C4orf51: variants seen among roughly 807,000 people sequenced by gnomAD.
C4orf51 encodes uncharacterized protein C4orf51.
Under a neutral mutation model 25.2 loss-of-function variants are expected in C4orf51, and 25 were observed. That is an observed-to-expected ratio of 0.99 (90% CI 0.72 to 1.39). C4orf51 has a LOEUF of 1.39. Among genes scored for constraint, C4orf51 ranks in the 40% most tolerant of loss-of-function variants. C4orf51 has a pLI of 0.00. For missense variants in C4orf51, 252 were observed against 239.6 expected, an observed-to-expected ratio of 1.05 and a Z score of -0.34; for synonymous variants, 100 against 84.5, an observed-to-expected ratio of 1.18 and a Z score of -1.01.
intron 1 of C4orf51, among the ~76,000 whole-genome samples, chr4:145,696,193 C>T (rs915130158): frequency 1.2e-4 from 19 of 152,162 alleles, no homozygotes; most frequent in East Asian, 3.9e-4. Context: ...ACCTGGAAAG[C>T]GGAGGTTGCA....
chr4:145,692,193 G>C (rs1009949765), intron 1 of C4orf51, among the ~76,000 whole-genome samples: 3 of 152,188 alleles, frequency 2.0e-5, no homozygotes, highest in African/African-American at 4.8e-5. Context: ...ACTATTCATT[G>C]ACAGAAGAGT....
At chr4:145,786,818 A>AT in the C4orf51 span, among the ~76,000 whole-genome samples, 1 of 151,910 alleles carries the variant, frequency 6.6e-6, no homozygotes, top group Non-Finnish European at 1.5e-5. Flanking sequence ...TCCCTTTTTA[A>AT]TTTTTTCAGA....
At chr4:145,742,716 A>G (rs1011202382) in intron 1 of C4orf51, among the ~76,000 whole-genome samples, 5 of 150,972 alleles carry the variant, frequency 3.3e-5, no homozygotes, top group Admixed American at 2.6e-4. Flanking sequence ...ATTTTTTTGT[A>G]TTTTTAGTAG....
intron 2 of C4orf51, among the ~76,000 whole-genome samples, chr4:145,713,094 C>G (rs953708817): frequency 1.3e-5 from 2 of 152,204 alleles, no homozygotes; most frequent in African/African-American, 4.8e-5. Context: ...CAAAATATTA[C>G]TGCCGACTGA....
rs1249597405 is a variant in C4orf51, at chr4:145,761,853, G to T, written n.167-9135G>T. 6.6e-6 allele frequency among the ~76,000 whole-genome samples: 1 copy of T among 152,174 alleles called. No individual in the cohort carries two copies. Among genetic ancestry groups the T allele is most frequent in the African/African-American group, 2.4e-5 (1 of 41,428 alleles). ...TATTCTGGGTCTCTTGGCCGATACA[G>T]GCAAGGCCAGCCCTCACCAAGGGGA... On this transcript the variant is annotated intron_variant and non_coding_transcript_variant, in intron 1 of 1. Transcript: ENST00000510096. The surrounding 1 kb of genome is among the most constrained non-coding windows in gnomAD (Gnocchi z 6.8).
At chr4:145,698,600 G>A (rs1730227586) in intron 2 of C4orf51, among the ~76,000 whole-genome samples, 1 of 152,160 alleles carries the variant, frequency 6.6e-6, no homozygotes, top group Non-Finnish European at 1.5e-5. Context: ...AATAGACTGT[G>A]TTTCTTATCA....
chr4:145,776,322 G>A, the C4orf51 span, among the ~76,000 whole-genome samples: 3 of 152,090 alleles, frequency 2.0e-5, no homozygotes, highest in African/African-American at 7.2e-5. Flanking sequence ...TTAGTCAGGT[G>A]TGGTGGCACG....
chr4:145,719,610 C>CAAA (rs1560844426), intron 2 of C4orf51, among the ~76,000 whole-genome samples: 1 of 140,404 alleles, frequency 7.1e-6, no homozygotes, highest in Non-Finnish European at 1.5e-5. Flanking sequence ...AAAAAAAAAG[C>CAAA]AGCATCCTTT....
intron 5 of C4orf51, among the ~76,000 whole-genome samples, chr4:145,730,342 C>T (rs545449681): frequency 1.3e-5 from 2 of 152,228 alleles, no homozygotes; most frequent in East Asian, 1.9e-4. Context: ...CCTGGTTGCC[C>T]GGTGGCTGGA....
At position 145,696,644 on chromosome 4, in the gene C4orf51, A is replaced by G; in HGVS notation, c.307+12A>G. 6.2e-7 allele frequency: 1 copy of G among 1,604,396 alleles called. No individual in the cohort carries two copies. Among genetic ancestry groups the G allele is most frequent in the Non-Finnish European group, 8.5e-7 (1 of 1,173,732 alleles). On this transcript the variant is annotated intron_variant, in intron 2 of 5. Coordinates refer to ENST00000438731, the MANE Select transcript of C4orf51 (RefSeq NM_001080531.3). ...TACAGATATCAAAGGTAAGTGCAAC[A>G]TGATCAGTTTCTGGGCCCAGCCCTT...
chr4:145,758,858 G>A (rs1349500378), downstream of C4orf51: 1 of 152,384 alleles, frequency 6.6e-6, no homozygotes, highest in Non-Finnish European at 1.5e-5. Flanking sequence ...AAAGGGAGGT[G>A]TAGCACACCT....
chr4:145,770,577 T>C (rs566903076), intron 1 of C4orf51, among the ~76,000 whole-genome samples: 12 of 151,656 alleles, frequency 7.9e-5, no homozygotes, highest in African/African-American at 2.9e-4. Context: ...TATTATTCTA[T>C]TATAAAACAT....
intron 2 of C4orf51, among the ~76,000 whole-genome samples, chr4:145,700,877 G>C (rs1388561757): frequency 6.6e-6 from 1 of 152,028 alleles, no homozygotes; most frequent in African/African-American, 2.4e-5. Context: ...CCTCACACCT[G>C]GTCCAGCTTA....
At chr4:145,767,954 T>C (rs1256720700) in intron 1 of C4orf51, among the ~76,000 whole-genome samples, 3 of 152,208 alleles carry the variant, frequency 2.0e-5, no homozygotes, top group African/African-American at 7.2e-5. Flanking sequence ...AAATTCATAA[T>C]TTTTAAATTA....
chr4:145,690,505 A>AAAT lies in C4orf51; in HGVS notation c.234-6035_234-6033dup, dbSNP rs751273348. On this transcript the variant is annotated intron_variant, in intron 1 of 5. Coordinates refer to ENST00000438731, the MANE Select transcript of C4orf51 (RefSeq NM_001080531.3). Reference sequence around the variant, plus strand: ...GGCGACAGAGTGAGACTCCATCTCAAAATAATAATAATAATAATAATCCTA... The same window carrying AAAT: ...GGCGACAGAGTGAGACTCCATCTCAAAATAATAATAATAATAATAATAATCCTA... Among the ~76,000 whole-genome samples the AAAT allele has an allele frequency of 3.4e-3, 512 of 151,764 alleles. 3 individuals carry two copies. The highest frequency in any genetic ancestry group is 0.011 in the African/African-American group (454 of 41,386).
chr4:145,737,029 T>C (rs1050598621), downstream of C4orf51, among the ~76,000 whole-genome samples: 4 of 152,162 alleles, frequency 2.6e-5, no homozygotes, highest in Admixed American at 1.3e-4. Flanking sequence ...ATCTGAACTA[T>C]TATAGTTCTT....
At chr4:145,721,880 C>T (rs7675248) in intron 2 of C4orf51, among the ~76,000 whole-genome samples, 30,880 of 152,070 alleles carry the variant, frequency 0.2, 3,312 homozygotes, top group East Asian at 0.28. Context: ...GCGGGAGTTA[C>T]GTGGGGAGAA....
chr4:145,761,271 C>A lies in C4orf51; in HGVS notation n.167-9717C>A, dbSNP rs1241397103. The A allele has an allele frequency of 7.8e-7, 1 of 1,289,796 alleles. No homozygotes were observed. Among genetic ancestry groups the A allele is most frequent in the Non-Finnish European group, 1.0e-6 (1 of 988,894 alleles). The allele number at this position is 1,289,796 out of a possible 1,614,324, so 79.9% of individuals were successfully genotyped here. On this transcript the variant is annotated intron_variant and non_coding_transcript_variant, in intron 1 of 1. Transcript: ENST00000510096. This position sits in a 1 kb window ranked among gnomAD's most constrained non-coding sequence, Gnocchi z 6.8. ...ACAGGCACTCTTCGCAGCTGAAGGT[C>A]TGGCGTGGGGCGTGCTTCAGCTTCT...
At chr4:145,736,614 A>C (rs1330900019), downstream of C4orf51, among the ~76,000 whole-genome samples, 1 of 152,174 alleles carries the variant, frequency 6.6e-6, no homozygotes, top group Non-Finnish European at 1.5e-5. Context: ...GGACTTAGAC[A>C]TACTTCAGGA....
Sources: allele counts gnomAD v4.1 joint callset (sites outside exome capture counted in the v4.1 genomes callset), GRCh38; gene constraint gnomAD v4.1.1; non-coding constraint Gnocchi (gnomAD v3.1); transcripts MANE v1.5; gene names NCBI Gene and HGNC (gene_info 2026-07-23, HGNC 2026-07-21).